The following FBN1 variants were observed in gnomAD, a reference collection of about 807,000 sequenced individuals.
FBN1 encodes fibrillin-1.
A neutral mutation model predicts 365.1 loss-of-function variants in FBN1; 29 were observed. That is an observed-to-expected ratio of 0.08 (90% CI 0.06 to 0.11). FBN1 has a LOEUF of 0.11. Among genes scored for constraint, FBN1 ranks in the 10% least tolerant of loss-of-function variants. FBN1 has a pLI of 1.00. For missense variants in FBN1, 2,476 were observed against 3,703.2 expected, an observed-to-expected ratio of 0.67 and a Z score of 8.60; for synonymous variants, 1,210 against 1,270.5, an observed-to-expected ratio of 0.95 and a Z score of 1.01.
rs567729935 is a variant in FBN1, at chr15:48,536,981, C to T, written c.736+630G>A. On this transcript the variant is annotated intron_variant, in intron 7 of 65. Transcript: ENST00000316623. ...TGCCTCTGTTCACTTCCTCCTGTTT[C>T]CTGCCAGACATCCAGACAATAAAAG... Among the ~76,000 whole-genome samples the T allele has an allele frequency of 3.3e-5, 5 of 152,278 alleles. No individual in the cohort carries two copies. The South Asian group carries it at 1.0e-3, about 32-fold the overall frequency.
chr15:48,615,740 AT>A (rs1889638994), intron 2 of FBN1, among the ~76,000 whole-genome samples: 1 of 150,704 alleles, frequency 6.6e-6, no homozygotes, highest in Non-Finnish European at 1.5e-5. Flanking sequence ...CTAAAACTAT[AT>A]TTTAAAGTTG....
intron 58 of FBN1, among the ~76,000 whole-genome samples, chr15:48,427,012 C>G (rs1182258671): frequency 6.6e-6 from 1 of 152,148 alleles, no homozygotes; most frequent in Non-Finnish European, 1.5e-5. Context: ...ATTGTAGTTA[C>G]AGTTGATAAA....
At chr15:48,424,032 A>G (rs1480712300) in intron 60 of FBN1, among the ~76,000 whole-genome samples, 1 of 152,244 alleles carries the variant, frequency 6.6e-6, no homozygotes, top group African/African-American at 2.4e-5. Flanking sequence ...TAATATATAC[A>G]ATGAGAGATA....
At chr15:48,619,815 T>G (rs1023459182) in intron 2 of FBN1, among the ~76,000 whole-genome samples, 1 of 151,404 alleles carries the variant, frequency 6.6e-6, no homozygotes, top group African/African-American at 2.4e-5. Flanking sequence ...CAAACAATCA[T>G]GACACGAGTT....
intron 5 of FBN1, 30 bp from the exon 6 acceptor site, chr15:48,596,408 T>C (rs1202702618): frequency 1.9e-6 from 3 of 1,593,204 alleles, no homozygotes. Context: ...CTGAGACGCT[T>C]TACCTGAAAA....
At chr15:48,512,598 A>G (rs973463583) in intron 13 of FBN1, among the ~76,000 whole-genome samples, 6 of 152,138 alleles carry the variant, frequency 3.9e-5, no homozygotes, top group Non-Finnish European at 7.3e-5. Flanking sequence ...TTCCTATGTT[A>G]GTTTACTAAT....
At chr15:48,521,743 C>G (rs776257999) in intron 9 of FBN1, among the ~76,000 whole-genome samples, 12 of 152,202 alleles carry the variant, frequency 7.9e-5, no homozygotes, top group Non-Finnish European at 1.6e-4. Context: ...CTTTTACTGC[C>G]TGACATGTGC....
chr15:48,427,015 T>G (rs375790650), intron 58 of FBN1, among the ~76,000 whole-genome samples: 1 of 152,318 alleles, frequency 6.6e-6, no homozygotes, highest in African/African-American at 2.4e-5. Flanking sequence ...GTAGTTACAG[T>G]TGATAAACAC....
chr15:48,531,929 A>G (rs2043976659), intron 8 of FBN1, among the ~76,000 whole-genome samples: 1 of 149,876 alleles, frequency 6.7e-6, no homozygotes, highest in Admixed American at 6.6e-5. Context: ...ATGGCAAAGG[A>G]AAAAAAAATC....
chr15:48,525,865 C>G (rs982074535), intron 9 of FBN1, among the ~76,000 whole-genome samples: 1 of 152,092 alleles, frequency 6.6e-6, no homozygotes, highest in Non-Finnish European at 1.5e-5. Context: ...TAATGCTGCA[C>G]GACTGCAACA....
At chr15:48,624,846 C>T (rs981331979) in intron 2 of FBN1, among the ~76,000 whole-genome samples, 1 of 152,198 alleles carries the variant, frequency 6.6e-6, no homozygotes, top group South Asian at 2.1e-4. Flanking sequence ...AGAGAGAGGC[C>T]GGCCAGAGGC....
At chr15:48,507,950 T>TC (rs2043724728) in intron 15 of FBN1, among the ~76,000 whole-genome samples, 1 of 152,096 alleles carries the variant, frequency 6.6e-6, no homozygotes, top group South Asian at 2.1e-4. Flanking sequence ...AAAATAAAAA[T>TC]CCTCATTTTT....
chr15:48,411,549 A>G (rs1387134270), intron 65 of FBN1, among the ~76,000 whole-genome samples, 170 bp from the exon 66 acceptor site: 1 of 152,264 alleles, frequency 6.6e-6, no homozygotes, highest in African/African-American at 2.4e-5. Context: ...ATTGGCACAT[A>G]TTTGTAATAT....
chr15:48,528,406 T>C (rs753147511), intron 8 of FBN1, among the ~76,000 whole-genome samples: 2 of 152,184 alleles, frequency 1.3e-5, no homozygotes, highest in Non-Finnish European at 2.9e-5. Context: ...ATAGTCAAAA[T>C]GCTTTATGTG....
chr15:48,527,849 A>G (rs1004769888), intron 8 of FBN1, among the ~76,000 whole-genome samples: 5 of 152,262 alleles, frequency 3.3e-5, no homozygotes, highest in Non-Finnish European at 7.3e-5. Flanking sequence ...TGCATATTCT[A>G]TTCTGACAGA....
At chr15:48,558,247 A>G (rs1032329533) in intron 6 of FBN1, among the ~76,000 whole-genome samples, 1 of 152,222 alleles carries the variant, frequency 6.6e-6, no homozygotes, top group South Asian at 2.1e-4. Flanking sequence ...CAGTTTATCT[A>G]AACAAAACAG....
chr15:48,413,458 G>A lies in FBN1; in HGVS notation c.8052-715C>T, dbSNP rs140803778. Among the ~76,000 whole-genome samples the A allele has an allele frequency of 4.9e-3, 743 of 152,340 alleles. 4 individuals are homozygous for A. Among genetic ancestry groups the A allele is most frequent in the African/African-American group, 0.017 (713 of 41,582 alleles). ...TGGATAAACAAACCCATGCCCAAGA[G>A]AGAACTCGTTCAGCTGTTTTTCTTT... On this transcript the variant is annotated intron_variant, in intron 64 of 65. Coordinates refer to ENST00000316623, the MANE Select transcript of FBN1 (RefSeq NM_000138.5).
At chr15:48,557,235 C>T (rs1030660593) in intron 6 of FBN1, among the ~76,000 whole-genome samples, 3 of 152,092 alleles carry the variant, frequency 2.0e-5, no homozygotes, top group African/African-American at 7.2e-5. Flanking sequence ...GAGAACAGCT[C>T]GTCACTTCAT....
intron 32 of FBN1, among the ~76,000 whole-genome samples, chr15:48,480,278 A>G (rs576540558): frequency 2.6e-5 from 4 of 152,314 alleles, no homozygotes; most frequent in African/African-American, 7.2e-5. Context: ...TCTATTAGTT[A>G]AAACATAATA....
Sources: allele counts gnomAD v4.1 joint callset (sites outside exome capture counted in the v4.1 genomes callset), GRCh38; gene constraint gnomAD v4.1.1; transcripts MANE v1.5; gene names NCBI Gene and HGNC (gene_info 2026-07-23, HGNC 2026-07-21).